The following TTC6 variants were observed in gnomAD, a reference collection of about 807,000 sequenced individuals.
The protein encoded by TTC6 is tetratricopeptide repeat domain 6, also known as tetratricopeptide repeat protein 6.
TTC6 carries 172 observed loss-of-function variants against 210.4 expected under a neutral mutation model. That is an observed-to-expected ratio of 0.82 (90% CI 0.72 to 0.93). TTC6 has a LOEUF of 0.93. Among genes scored for constraint, TTC6 ranks in the 40% least tolerant of loss-of-function variants. TTC6 has a pLI of 0.00. For missense variants in TTC6, 2,414 were observed against 2,318.1 expected, an observed-to-expected ratio of 1.04 and a Z score of -0.85; for synonymous variants, 804 against 819.6, an observed-to-expected ratio of 0.98 and a Z score of 0.32.
chr14:37,646,924 T>C (rs2095702688), intron 1 of TTC6, among the ~76,000 whole-genome samples: 1 of 152,214 alleles, frequency 6.6e-6, no homozygotes, highest in South Asian at 2.1e-4. Context: ...CATCTATTTA[T>C]GAAACTTTTT....
At chr14:37,817,717 C>G (rs943840225) in intron 26 of TTC6, 66 bp downstream of exon 28, 1 of 1,462,246 alleles carries the variant, frequency 6.8e-7, no homozygotes, top group East Asian at 2.3e-5. Context: ...AATTATCACC[C>G]CATAAACAAG....
chr14:37,659,147 A>G (rs558080246), intron 1 of TTC6, among the ~76,000 whole-genome samples: 1 of 152,210 alleles, frequency 6.6e-6, no homozygotes, highest in Admixed American at 6.5e-5. Flanking sequence ...ATTTCATGGT[A>G]TATACGTACC....
chr14:37,841,562 G>A, exon 30 of TTC6: 1 of 1,607,704 alleles, frequency 6.2e-7, no homozygotes, highest in Non-Finnish European at 8.5e-7. Flanking sequence ...AGAAGATTTT[G>A]CAAATGTAAT....
Position 37,793,185 on chromosome 14 carries a change from T to C in TTC6, c.3708+771T>C, listed in dbSNP as rs192244223. Among the ~76,000 whole-genome samples, 3 of 152,246 alleles carry C rather than the reference T, an allele frequency of 2.0e-5. No homozygotes were observed. The East Asian group carries it at 5.8e-4, about 29-fold the overall frequency. ...ATGTCAGATTATTTCACTTCTTTGC[T>C]CAAGCCCTTCAATAGCTTCGCTTGT... On this transcript the variant is annotated intron_variant, in intron 17 of 30. Transcript: ENST00000553443.
At chr14:37,702,622 T>A (rs2095827690) in intron 5 of TTC6, among the ~76,000 whole-genome samples, 1 of 152,168 alleles carries the variant, frequency 6.6e-6, no homozygotes, top group Admixed American at 6.6e-5. Flanking sequence ...TTAAGTTAAA[T>A]GGAAACTTTT....
chr14:37,747,824 G>A (rs1389010311), intron 10 of TTC6, among the ~76,000 whole-genome samples: 1 of 152,166 alleles, frequency 6.6e-6, no homozygotes, highest in Non-Finnish European at 1.5e-5. Flanking sequence ...TATGAATTGA[G>A]AAGGAGCCAG....
At chr14:37,800,787 T>G (rs1880369976) in intron 20 of TTC6, among the ~76,000 whole-genome samples, 1 of 152,032 alleles carries the variant, frequency 6.6e-6, no homozygotes, top group Non-Finnish European at 1.5e-5. Context: ...ATCTCCAAAG[T>G]TTTTAGGAGA....
At chr14:37,804,413 C>G (rs2096113679) in intron 20 of TTC6, among the ~76,000 whole-genome samples, 1 of 152,096 alleles carries the variant, frequency 6.6e-6, no homozygotes, top group African/African-American at 2.4e-5. Flanking sequence ...AATTTTAGTT[C>G]CAAAAATCCA....
At chr14:37,717,205 G>T (rs1416750287) in intron 6 of TTC6, among the ~76,000 whole-genome samples, 1 of 149,436 alleles carries the variant, frequency 6.7e-6, no homozygotes, top group Non-Finnish European at 1.5e-5. Context: ...ACAAGCAGAA[G>T]GAATAAAAGC....
Position 37,804,947 on chromosome 14 carries a change from T to C in TTC6, c.4164+133T>C, listed in dbSNP as rs543463957. 38 of 902,284 alleles carry C rather than the reference T, an allele frequency of 4.2e-5. 1 individual carries two copies. The South Asian group carries it at 6.2e-4, about 15-fold the overall frequency. The allele number at this position is 902,284 out of a possible 1,614,324, so 55.9% of individuals were successfully genotyped here. ...GCTGCTTATGAAGCTTGGCTTGTTA[T>C]AGTCATTCTGCACCCTGCAACACCT... On this transcript the variant is annotated intron_variant, in intron 21 of 30. Coordinates refer to ENST00000553443, the Ensembl canonical transcript of TTC6.
intron 14 of TTC6, among the ~76,000 whole-genome samples, chr14:37,761,354 T>G (rs1018430070): frequency 3.9e-5 from 6 of 151,952 alleles, no homozygotes; most frequent in Non-Finnish European, 8.8e-5. Flanking sequence ...CCCGATAAGA[T>G]GAACTGGTAC....
chr14:37,768,398 G>A (rs2096006333), intron 14 of TTC6, among the ~76,000 whole-genome samples: 2 of 151,702 alleles, frequency 1.3e-5, no homozygotes, highest in South Asian at 4.1e-4. Context: ...GGGAAGTATG[G>A]CCATTTTCAC....
intron 1 of TTC6, among the ~76,000 whole-genome samples, chr14:37,600,850 C>G (rs908619719): frequency 1.3e-5 from 2 of 151,682 alleles, no homozygotes; most frequent in Non-Finnish European, 2.9e-5. Context: ...GAGCTAACAT[C>G]AGAGGAAAGT....
At chr14:37,757,408 C>G (rs951757590) in intron 14 of TTC6, among the ~76,000 whole-genome samples, 7 of 151,946 alleles carry the variant, frequency 4.6e-5, no homozygotes, top group Admixed American at 2.0e-4. Context: ...CTACAGGTGT[C>G]TGCCACCATG....
chr14:37,760,588 C>T (rs563868569), intron 14 of TTC6, among the ~76,000 whole-genome samples: 15 of 152,306 alleles, frequency 9.8e-5, no homozygotes, highest in South Asian at 2.1e-4. Context: ...CAGGCAGGAA[C>T]GTTTAAGTCC....
intron 24 of TTC6, among the ~76,000 whole-genome samples, chr14:37,809,943 G>A (rs962479981): frequency 3.9e-5 from 6 of 152,124 alleles, no homozygotes; most frequent in Admixed American, 6.6e-5. Context: ...AGTAAATGAC[G>A]CATTCTTTTA....
chr14:37,716,780 A>G (rs1295097078), intron 6 of TTC6, among the ~76,000 whole-genome samples: 3 of 152,156 alleles, frequency 2.0e-5, no homozygotes, highest in African/African-American at 7.2e-5. Flanking sequence ...ACACTTAGAA[A>G]ATCAGCAACA....
intron 8 of TTC6, among the ~76,000 whole-genome samples, chr14:37,736,565 G>A (rs2095902292): frequency 6.6e-6 from 1 of 152,028 alleles, no homozygotes; most frequent in Admixed American, 6.6e-5. Context: ...CAATATCAAA[G>A]GAACATGTTT....
At chr14:37,774,869 G>T (rs2096032276) in intron 14 of TTC6, among the ~76,000 whole-genome samples, 1 of 151,900 alleles carries the variant, frequency 6.6e-6, no homozygotes, top group Non-Finnish European at 1.5e-5. Context: ...TCTGGTTCTG[G>T]GCTTTTTCTT....
Sources: gnomAD v4.1 joint callset for allele counts (sites outside exome capture counted in the v4.1 genomes callset) on GRCh38, gnomAD v4.1.1 for gene constraint, MANE v1.5 for transcripts, NCBI Gene and HGNC (gene_info 2026-07-23, HGNC 2026-07-21) for gene names.